The following OTOGL variants were observed in gnomAD, a reference collection of about 807,000 sequenced individuals.
OTOGL encodes otogelin like, also known as otogelin-like protein.
OTOGL carries 285 observed loss-of-function variants against 318.5 expected under a neutral mutation model. That is an observed-to-expected ratio of 0.89 (90% CI 0.81 to 0.99). OTOGL has a LOEUF of 0.99. Among genes scored for constraint, OTOGL ranks in the 50% least tolerant of loss-of-function variants. The probability of loss-of-function intolerance (pLI) is 0.00; values close to 1 mark genes in which losing one functional copy is unlikely to be tolerated. For missense variants in OTOGL, 2,899 were observed against 2,845.6 expected (o/e 1.02, Z -0.43); for synonymous variants, 987 against 936.5 (o/e 1.05, Z -0.99).
chr12:80,148,035 A>G lies in OTOGL; in HGVS notation c.-20+48430A>G, dbSNP rs369263412. On this transcript the variant is annotated intron_variant, in intron 1 of 58. Coordinates refer to ENST00000547103, the MANE Select transcript of OTOGL (RefSeq NM_001378609.3). ...ATTTCCCAGTCTGTGTCTTAATTGG[A>G]GCATTTAGTCCATTTACATTTAAAG... Among the ~76,000 whole-genome samples, 14 of 152,034 alleles carry G rather than the reference A, an allele frequency of 9.2e-5. 1 individual carries two copies. In the East Asian group the frequency reaches 2.3e-3, roughly 25 times the overall value.
chr12:80,212,506 C>T (rs1483750100), intron 4 of OTOGL, among the ~76,000 whole-genome samples: 7 of 152,046 alleles, frequency 4.6e-5, no homozygotes, highest in East Asian at 1.9e-4. Context: ...GGAGGGGCAG[C>T]GTAGCACTGC....
intron 4 of OTOGL, 139 bp from the exon 5 acceptor site, chr12:80,217,459 C>T (rs1242275803): frequency 1.5e-6 from 1 of 646,944 alleles, no homozygotes; most frequent in Non-Finnish European, 2.6e-6. Context: ...AGATGATAAG[C>T]CTCAATAACC....
At chr12:80,149,662 C>A (rs1872645090) in intron 1 of OTOGL, among the ~76,000 whole-genome samples, 2 of 152,156 alleles carry the variant, frequency 1.3e-5, no homozygotes, top group African/African-American at 4.8e-5. Context: ...CGCCCCTCCC[C>A]CAGCCTCGCT....
rs1237822536 is a variant in OTOGL at position 80,342,080 on chromosome 12, C to T, written c.5183C>T (p.Pro1728Leu). The T allele has an allele frequency of 6.2e-7, 1 of 1,606,890 alleles. No homozygotes were observed. Reference protein sequence around the residue: ...EKSFEVTMRRPVRNCTEHDCS... With the variant: ...EKSFEVTMRRLVRNCTEHDCS... Reference sequence around the variant, plus strand: ...TCATTTGAAGTAACAATGAGAAGACCTGTTAGGAATTGTACTGAGCATGAT... The same window carrying T: ...TCATTTGAAGTAACAATGAGAAGACTTGTTAGGAATTGTACTGAGCATGAT... The change falls in exon 44 of 59, where the codon CCT becomes CTT. Residue 1728 changes from proline (P) to leucine (L), a missense_variant. Physicochemically the swap from Pro to Leu is moderately conservative, Grantham distance 98. This residue lies in a region of OTOGL where 2,607 missense variants were observed against 2,524.9 expected (regional missense o/e 1.03). Transcript: ENST00000547103.
chr12:80,113,215 T>C (rs6539490), intron 1 of OTOGL, among the ~76,000 whole-genome samples: 84,228 of 151,968 alleles, frequency 0.55, 23,467 homozygotes, highest in Middle Eastern at 0.59. Context: ...TGGGATTCGA[T>C]TGATTTTTTT....
At chr12:80,188,171 T>A (rs1875426256) in intron 1 of OTOGL, among the ~76,000 whole-genome samples, 1 of 152,266 alleles carries the variant, frequency 6.6e-6, no homozygotes, top group East Asian at 1.9e-4. Context: ...ATAGAGAAGA[T>A]CCACAAAGGT....
At chr12:80,199,791 G>T (rs145822333) in intron 1 of OTOGL, among the ~76,000 whole-genome samples, 1 of 152,148 alleles carries the variant, frequency 6.6e-6, no homozygotes, top group Non-Finnish European at 1.5e-5. Flanking sequence ...CTCAAACCAG[G>T]AGGAAAGCCA....
chr12:80,183,293 A>C (rs986447694), intron 1 of OTOGL, among the ~76,000 whole-genome samples: 6 of 152,316 alleles, frequency 3.9e-5, no homozygotes, highest in Non-Finnish European at 7.3e-5. Context: ...TAGCAGCAAT[A>C]ATTCAAGGGC....
At chr12:80,159,544 G>A (rs955263521) in intron 1 of OTOGL, among the ~76,000 whole-genome samples, 2 of 151,904 alleles carry the variant, frequency 1.3e-5, no homozygotes, top group African/African-American at 4.8e-5. Flanking sequence ...ACCTAACCAA[G>A]GAGGTGAAAG....
intron 11 of OTOGL, among the ~76,000 whole-genome samples, chr12:80,244,975 G>GTGTC (rs1444550222): frequency 6.7e-6 from 1 of 149,052 alleles, no homozygotes; most frequent in Non-Finnish European, 1.5e-5. Context: ...CTTTTGAGAA[G>GTGTC]TGTCTGTTCT....
intron 1 of OTOGL, among the ~76,000 whole-genome samples, chr12:80,193,314 G>A (rs748546488): frequency 3.9e-5 from 6 of 152,072 alleles, no homozygotes; most frequent in Non-Finnish European, 7.4e-5. Flanking sequence ...TCAGGAGTTC[G>A]AGACCAGTCT....
chr12:80,118,085 C>T (rs1050283925), intron 1 of OTOGL, among the ~76,000 whole-genome samples: 1 of 152,038 alleles, frequency 6.6e-6, no homozygotes, highest in Non-Finnish European at 1.5e-5. Context: ...TTTTACCTTC[C>T]CTTAAAGAGG....
chr12:80,123,142 T>C (rs1182660475), intron 1 of OTOGL, among the ~76,000 whole-genome samples: 1 of 152,062 alleles, frequency 6.6e-6, no homozygotes, highest in Non-Finnish European at 1.5e-5. Flanking sequence ...CAATAACTCA[T>C]CATTTAACAT....
intron 4 of OTOGL, among the ~76,000 whole-genome samples, chr12:80,216,421 C>A (rs888372521): frequency 2.0e-5 from 3 of 152,074 alleles, no homozygotes; most frequent in Admixed American, 6.6e-5. Context: ...AAGAATATTG[C>A]CCCAGCCCAT....
rs1470251301 is a variant in OTOGL at position 80,339,101 on chromosome 12, T to C, written c.4887T>C (p.Pro1629=). 1 of 1,610,436 alleles carries C rather than the reference T, an allele frequency of 6.2e-7. No homozygotes were observed. Among genetic ancestry groups the C allele is most frequent in the Admixed American group, 1.7e-5 (1 of 59,860 alleles). ...TAGAAGTGGATTCCATTGTTGTGCCTTTGCCCTTTTCAAGTCAGGAACTGT... is the reference window on the plus strand; with the variant it reads ...TAGAAGTGGATTCCATTGTTGTGCCCTTGCCCTTTTCAAGTCAGGAACTGT... ...RKVEVDSIVV[P]LPFSSQELSI... is the part of the protein sequence containing the mutation. The change falls in exon 43 of 59, where the codon CCT becomes CCC. Residue 1629 remains proline, a synonymous_variant. Transcript: ENST00000547103.
chr12:80,148,287 G>A (rs555656484), intron 1 of OTOGL, among the ~76,000 whole-genome samples: 2 of 146,164 alleles, frequency 1.4e-5, no homozygotes, highest in African/African-American at 5.0e-5. Context: ...TGTCTGTAAA[G>A]TATTTTATTT....
rs1006725373 is a variant in OTOGL at position 80,354,952 on chromosome 12, G to A, written c.5594-784G>A. Reference sequence around the variant, plus strand: ...CTTTTTACTTTTAGATTTTAAAGCAGAAATATTTTGAATTTTCATATGATG... The same window carrying A: ...CTTTTTACTTTTAGATTTTAAAGCAAAAATATTTTGAATTTTCATATGATG... On this transcript the variant is annotated intron_variant, in intron 46 of 58. Coordinates refer to ENST00000547103, the MANE Select transcript of OTOGL (RefSeq NM_001378609.3). Among the ~76,000 whole-genome samples the A allele has an allele frequency of 2.0e-5, 3 of 152,180 alleles. No homozygotes were observed. In the East Asian group the frequency reaches 5.8e-4, roughly 29 times the overall value.
At position 80,278,261 on chromosome 12, in the gene OTOGL, AC is replaced by A; in HGVS notation, c.2777del (p.Pro926ArgfsTer37). ...EYLSGEVIAT[P>X]CYTCVCRRGM... is the part of the protein sequence containing the mutation. ...ATCTCTCAGGAGAAGTGATTGCTAC[AC>A]CGTGTTACACCTGGTAAGGAGATCC... On this transcript the variant is annotated frameshift_variant, in exon 25 of 59. Transcript: ENST00000547103. LOFTEE classifies it high-confidence loss of function. 1 of 1,536,248 alleles carries A rather than the reference AC, an allele frequency of 6.5e-7. No homozygotes were observed. Among genetic ancestry groups the A allele is most frequent in the Non-Finnish European group, 8.8e-7 (1 of 1,135,000 alleles).
intron 11 of OTOGL, among the ~76,000 whole-genome samples, chr12:80,239,749 A>T (rs12298738): frequency 1.5e-3 from 227 of 152,186 alleles, no homozygotes; most frequent in Non-Finnish European, 2.6e-3. Context: ...TCAAATTATT[A>T]TCTTCTTGCT....
Sources: allele counts gnomAD v4.1 joint callset (sites outside exome capture counted in the v4.1 genomes callset), GRCh38; gene constraint gnomAD v4.1.1; regional missense constraint gnomAD v4.1.1; transcripts MANE v1.5; gene names NCBI Gene and HGNC (gene_info 2026-07-23, HGNC 2026-07-21).